The following CFAP45 variants were observed in gnomAD, a reference collection of about 807,000 sequenced individuals.
CFAP45 encodes the protein cilia and flagella associated protein 45, also known as cilia- and flagella-associated protein 45.
CFAP45 carries 43 observed loss-of-function variants against 75.6 expected under a neutral mutation model. The ratio of observed to expected loss-of-function variants is 0.57; its 90% confidence interval spans 0.45 to 0.73. CFAP45 has a LOEUF of 0.73. Among genes scored for constraint, CFAP45 ranks in the 30% least tolerant of loss-of-function variants. The pLI is 0.00. For missense variants in CFAP45, 689 were observed against 701.5 expected, an observed-to-expected ratio of 0.98 and a Z score of 0.20; for synonymous variants, 223 against 244.6, an observed-to-expected ratio of 0.91 and a Z score of 0.82.
intron 10 of CFAP45, among the ~76,000 whole-genome samples, chr1:159,874,207 A>C (rs530340482): frequency 6.6e-6 from 1 of 152,318 alleles, no homozygotes; most frequent in East Asian, 1.9e-4. Context: ...TAATTTAAAA[A>C]ATGAAATGTA....
chr1:159,891,323 T>C (rs1649824306), intron 2 of CFAP45, among the ~76,000 whole-genome samples: 1 of 152,208 alleles, frequency 6.6e-6, no homozygotes, highest in African/African-American at 2.4e-5. Flanking sequence ...ATCTTTGATA[T>C]TGGTAATTTT....
intron 1 of CFAP45, among the ~76,000 whole-genome samples, chr1:159,898,761 A>G (rs1328099794): frequency 6.6e-6 from 1 of 152,204 alleles, no homozygotes; most frequent in Non-Finnish European, 1.5e-5. Flanking sequence ...AGGTGTTCAC[A>G]TACATACATA....
intron 2 of CFAP45, among the ~76,000 whole-genome samples, chr1:159,892,934 T>C (rs556804843): frequency 2.0e-5 from 3 of 152,262 alleles, no homozygotes; most frequent in Non-Finnish European, 1.5e-5. Flanking sequence ...CTTTTGACAT[T>C]ATAACAGATT....
intron 2 of CFAP45, 57 bp downstream of exon 2, chr1:159,893,123 A>G: frequency 6.2e-7 from 1 of 1,603,336 alleles, no homozygotes. Context: ...CCTGAGCTAC[A>G]TTTTTGGGCC....
In CFAP45 at chr1:159,887,989, T is replaced by G; in HGVS notation, c.440A>C (p.Lys147Thr). The change falls in exon 5 of 12, where the codon AAG becomes ACG. Residue 147 changes from lysine to threonine, a missense_variant. Coordinates refer to ENST00000368099, the MANE Select transcript of CFAP45 (RefSeq NM_012337.3). ...ATMDAVMTRK[K>T]IMKQKEMVWN... ...CACCATCTCCTTCTGTTTCATGATC[T>G]TCTTTCGTGTCATCACTGCATCCTA... 1 of 1,614,220 alleles carries G rather than the reference T, an allele frequency of 6.2e-7. No individual in the cohort carries two copies. The highest frequency in any genetic ancestry group is 8.5e-7 in the Non-Finnish European group (1 of 1,180,034).
At chr1:159,883,224 A>T (rs1027217822) in intron 7 of CFAP45, among the ~76,000 whole-genome samples, 1 of 152,204 alleles carries the variant, frequency 6.6e-6, no homozygotes, top group Non-Finnish European at 1.5e-5. Flanking sequence ...AGAATGTGAG[A>T]TATTCTTAAA....
At chr1:159,882,443 C>G (rs942995073) in intron 7 of CFAP45, among the ~76,000 whole-genome samples, 1 of 152,104 alleles carries the variant, frequency 6.6e-6, no homozygotes, top group Non-Finnish European at 1.5e-5. Flanking sequence ...TTTGTTGGCT[C>G]ATTTCAATTC....
At chr1:159,873,952 C>T (rs892440336) in intron 10 of CFAP45, among the ~76,000 whole-genome samples, 7 of 147,870 alleles carry the variant, frequency 4.7e-5, no homozygotes, top group Non-Finnish European at 7.5e-5. Flanking sequence ...CATGCTAGCT[C>T]CACCCTGGTT....
chr1:159,883,025 T>C (rs781066206), intron 7 of CFAP45, among the ~76,000 whole-genome samples: 1 of 152,214 alleles, frequency 6.6e-6, no homozygotes, highest in Non-Finnish European at 1.5e-5. Flanking sequence ...GCAGATGTGA[T>C]GAGAAGGCTT....
intron 3 of CFAP45, among the ~76,000 whole-genome samples, chr1:159,889,700 T>C (rs556408417): frequency 1.2e-4 from 18 of 152,308 alleles, no homozygotes; most frequent in African/African-American, 4.3e-4. Context: ...GGCCACTTGA[T>C]GCCACGGCTG....
Position 159,893,165 on chromosome 1 carries a change from C to T in CFAP45, c.129+15G>A. On this transcript the variant is annotated intron_variant, in intron 2 of 11. Transcript: ENST00000368099. Reference sequence around the variant, plus strand: ...TGCAGGTGGCATCAACTTGAAAGGACTTGTTGAGGATTACCTTGATATCTC... The same window carrying T: ...TGCAGGTGGCATCAACTTGAAAGGATTTGTTGAGGATTACCTTGATATCTC... The T allele has an allele frequency of 6.2e-7, 1 of 1,613,274 alleles. No individual in the cohort carries two copies. The highest frequency in any genetic ancestry group is 8.5e-7 in the Non-Finnish European group (1 of 1,179,510).
rs1376887407 is a variant in CFAP45, at chr1:159,888,622, G to A, written c.273-126C>T. The A allele has an allele frequency of 3.2e-5, 27 of 853,822 alleles. No homozygotes were observed. In the Admixed American group the frequency reaches 4.0e-4, roughly 13 times the overall value. The allele number at this position is 853,822 out of a possible 1,614,324, so 52.9% of individuals were successfully genotyped here. On this transcript the variant is annotated intron_variant, in intron 3 of 11. Coordinates refer to ENST00000368099, the MANE Select transcript of CFAP45 (RefSeq NM_012337.3). ...GGACTCCCCCAATGGCAGAAGAGACGGCAAGTGTGCCATGGGTCCACTGGG... is the reference window on the plus strand; with the variant it reads ...GGACTCCCCCAATGGCAGAAGAGACAGCAAGTGTGCCATGGGTCCACTGGG...
intron 1 of CFAP45, 105 bp from the exon 2 acceptor site, chr1:159,893,410 G>A: frequency 8.9e-7 from 1 of 1,128,518 alleles, no homozygotes; most frequent in Non-Finnish European, 1.3e-6. Context: ...GTGGGCATGT[G>A]AAAAAGAAAC....
intron 2 of CFAP45, 100 bp from the exon 3 acceptor site, chr1:159,890,722 G>C: frequency 1.0e-6 from 1 of 1,003,064 alleles, no homozygotes; most frequent in Admixed American, 2.1e-5. Flanking sequence ...CTGTATCTGA[G>C]CATGGCTGGA....
chr1:159,900,038 C>G lies in CFAP45; in HGVS notation c.3+58G>C, dbSNP rs776517677. 2.9e-5 allele frequency: 46 copies of G among 1,608,446 alleles called. 1 individual carries two copies. The South Asian group carries it at 4.9e-4, about 17-fold the overall frequency. ...ACCTCCCCTAGGCCCCCACTTTCCC[C>G]ACTCAGAGCCCCCACCCAATTCAGG... On this transcript the variant is annotated intron_variant, in intron 1 of 11. Transcript: ENST00000368099.
intron 1 of CFAP45, among the ~76,000 whole-genome samples, chr1:159,895,602 C>G (rs1368564827): frequency 6.6e-6 from 1 of 152,236 alleles, no homozygotes; most frequent in Non-Finnish European, 1.5e-5. Flanking sequence ...CAGGGAGTCT[C>G]CCTCTACAGC....
In CFAP45 at chr1:159,872,535, T is replaced by C; in HGVS notation, c.1606A>G (p.Ile536Val). The C allele has an allele frequency of 6.2e-7, 1 of 1,614,134 alleles. No homozygotes were observed. Among genetic ancestry groups the C allele is most frequent in the Non-Finnish European group, 8.5e-7 (1 of 1,179,996 alleles). Residue 536 changes from isoleucine (I) to valine (V), a missense_variant, in exon 12 of 12, where the codon ATT becomes GTT. Ile to Val is a conservative substitution (Grantham distance 29). Transcript: ENST00000368099. ...ATGTTAGCTTTGCGCTCAGCTTCAA[T>C]GCAGTACTTCTCGGGAAGGCCAGTG... ...RATGLPEKYC[I>V]EAERKANILP...
intron 2 of CFAP45, among the ~76,000 whole-genome samples, chr1:159,892,090 C>T (rs1236351403): frequency 6.7e-6 from 1 of 149,818 alleles, no homozygotes; most frequent in East Asian, 2.0e-4. Context: ...AGTTCAAGAC[C>T]AGCATGGGGA....
Position 159,873,001 on chromosome 1 carries a change from G to C in CFAP45, c.1520C>G (p.Ala507Gly). Residue 507 changes from alanine (A) to glycine (G), a missense_variant, in exon 11 of 12, where the codon GCC (alanine) becomes GGC (glycine). Coordinates refer to ENST00000368099, the MANE Select transcript of CFAP45 (RefSeq NM_012337.3). The stretch of plus-strand genomic sequence containing the variant: ...ATCGATGCGCTCACGGCGTTTCTGG[G>C]CCTCCTCTTTGAGGCGCCGGCCCTC... ...FEEGRRLKEEAQKRRERIDEI... is the reference protein window; with the variant it reads ...FEEGRRLKEEGQKRRERIDEI... The C allele has an allele frequency of 6.2e-7, 1 of 1,614,214 alleles. No individual in the cohort carries two copies. Among genetic ancestry groups the C allele is most frequent in the Non-Finnish European group, 8.5e-7 (1 of 1,180,050 alleles).
Sources: gnomAD v4.1 joint callset for allele counts (sites outside exome capture counted in the v4.1 genomes callset) on GRCh38, gnomAD v4.1.1 for gene constraint, MANE v1.5 for transcripts, NCBI Gene and HGNC (gene_info 2026-07-23, HGNC 2026-07-21) for gene names.